PREX1: variants seen among roughly 807,000 people sequenced by gnomAD.
PREX1 encodes phosphatidylinositol 3,4,5-trisphosphate-dependent Rac exchanger 1 protein.
In PREX1, 41 loss-of-function variants were observed where a neutral mutation model predicts 198.3. That is an observed-to-expected ratio of 0.21 (90% confidence interval 0.16 to 0.27). PREX1 has a LOEUF of 0.27. PREX1 is among the 10% of genes least tolerant of loss of function. The pLI is 1.00. For missense variants in PREX1, 1,620 were observed against 2,200.7 expected (o/e 0.74, Z 5.28); for synonymous variants, 843 against 887.2 (o/e 0.95, Z 0.89).
chr20:48,729,595 T>C (rs1435543164), intron 4 of PREX1, among the ~76,000 whole-genome samples: 1 of 152,222 alleles, frequency 6.6e-6, no homozygotes. Flanking sequence ...ATTCTTCCAG[T>C]TGCTTGGGCC....
intron 1 of PREX1, among the ~76,000 whole-genome samples, chr20:48,808,893 G>C (rs2090423240): frequency 6.6e-6 from 1 of 152,180 alleles, no homozygotes; most frequent in African/African-American, 2.4e-5. Context: ...TCCTTTTCCT[G>C]ATGTTACACC....
intron 1 of PREX1, among the ~76,000 whole-genome samples, chr20:48,757,958 T>C (rs1034686748): frequency 2.0e-5 from 3 of 152,224 alleles, no homozygotes; most frequent in Admixed American, 6.5e-5. Context: ...GCACAGAGAA[T>C]GCAGGGAGTG....
chr20:48,632,809 C>T (rs2089326253), intron 33 of PREX1, among the ~76,000 whole-genome samples, 170 bp from the exon 34 acceptor site: 2 of 152,200 alleles, frequency 1.3e-5, no homozygotes, highest in Non-Finnish European at 2.9e-5. Context: ...CCTCCCTGCC[C>T]TCCTGCCCTC....
chr20:48,647,163 G>A (rs187439128), intron 25 of PREX1, among the ~76,000 whole-genome samples: 136 of 152,242 alleles, frequency 8.9e-4, no homozygotes, highest in African/African-American at 3.0e-3. Flanking sequence ...CCAGGAGTTC[G>A]AGGCTGTGGC....
chr20:48,811,541 C>T (rs1568650678), intron 1 of PREX1, among the ~76,000 whole-genome samples: 2 of 149,008 alleles, frequency 1.3e-5, no homozygotes, highest in South Asian at 2.1e-4. Flanking sequence ...CACACACACA[C>T]GTGTGCATGC....
intron 5 of PREX1, among the ~76,000 whole-genome samples, chr20:48,723,672 C>T (rs1053101111): frequency 2.0e-5 from 3 of 152,216 alleles, no homozygotes; most frequent in Non-Finnish European, 4.4e-5. Context: ...GCCACCCCAT[C>T]GCTTTTCCTG....
rs571420112 is a variant in PREX1, at chr20:48,792,066, A to G, written c.219+35576T>C. 9.4e-4 allele frequency among the ~76,000 whole-genome samples: 143 copies of G among 152,250 alleles called. 2 individuals carry two copies. Among genetic ancestry groups the G allele is most frequent in the South Asian group, 7.9e-3 (38 of 4,820 alleles). On this transcript the variant is annotated intron_variant, in intron 1 of 39. Transcript: ENST00000371941. Reference sequence around the variant, plus strand: ...CTGTGCCTCAGTTTCTTCATCTGTAAAACAGCTTCCCCATAGGACTGGTGT... The same window carrying G: ...CTGTGCCTCAGTTTCTTCATCTGTAGAACAGCTTCCCCATAGGACTGGTGT...
chr20:48,671,124 T>C (rs970729563), intron 14 of PREX1, among the ~76,000 whole-genome samples: 1 of 152,178 alleles, frequency 6.6e-6, no homozygotes, highest in Non-Finnish European at 1.5e-5. Flanking sequence ...TCTAAGCCAC[T>C]ATCAGCAATC....
At chr20:48,646,769 T>C (rs73140200) in intron 25 of PREX1, among the ~76,000 whole-genome samples, 23,917 of 152,006 alleles carry the variant, frequency 0.16, 2,216 homozygotes, top group Middle Eastern at 0.3. Flanking sequence ...ATCCCCACTG[T>C]AGGGTGTGAC....
At chr20:48,663,988 G>C (rs1568811586) in intron 15 of PREX1, among the ~76,000 whole-genome samples, 2 of 152,136 alleles carry the variant, frequency 1.3e-5, no homozygotes, top group South Asian at 4.1e-4. Context: ...ACGGTGCCTG[G>C]AACACCAAAG....
intron 1 of PREX1, among the ~76,000 whole-genome samples, chr20:48,760,031 C>T (rs1372637430): frequency 1.3e-5 from 2 of 151,748 alleles, no homozygotes; most frequent in Non-Finnish European, 2.9e-5. Flanking sequence ...AGCATCACTT[C>T]AGCCTAGGAG....
At chr20:48,721,949 G>C (rs1178472846) in intron 5 of PREX1, among the ~76,000 whole-genome samples, 1 of 152,046 alleles carries the variant, frequency 6.6e-6, no homozygotes, top group African/African-American at 2.4e-5. Flanking sequence ...GGGGCTGTCT[G>C]CTGAGCTGGG....
chr20:48,743,890 C>T (rs1313465593), intron 3 of PREX1, among the ~76,000 whole-genome samples: 1 of 152,172 alleles, frequency 6.6e-6, no homozygotes, highest in Non-Finnish European at 1.5e-5. Flanking sequence ...CCTGATCGCA[C>T]ATGAGACTTG....
chr20:48,727,416 C>G (rs1473696866), intron 4 of PREX1, among the ~76,000 whole-genome samples: 2 of 152,124 alleles, frequency 1.3e-5, no homozygotes, highest in African/African-American at 4.8e-5. Context: ...TCTCTCGGCT[C>G]ATTCCATGCC....
chr20:48,676,327 T>C (rs1342010262), intron 13 of PREX1, 59 bp from the exon 14 acceptor site: 15 of 1,499,302 alleles, frequency 1.0e-5, no homozygotes, highest in Admixed American at 6.7e-5. Flanking sequence ...GAGGTGGGGG[T>C]GGTCCTGACT....
rs147935111 is a variant in PREX1, at chr20:48,726,369, C to T, written c.542G>A (p.Arg181Gln). Residue 181 changes from arginine (R) to glutamine (Q), a missense_variant, in exon 5 of 40, where the codon CGG becomes CAG. Arg to Gln is a conservative substitution (Grantham distance 43, BLOSUM62 1). Around this residue, in one of 7 missense-constraint regions of PREX1, gnomAD observed 488 missense variants for 802.5 expected, o/e 0.61. Coordinates refer to ENST00000371941, the MANE Select transcript of PREX1 (RefSeq NM_020820.4). ...TTCCAAAGGGATGTCCGTGGTCTTC[C>T]GGCCTCCCAGAAGCATGCAGCTCTG... is the stretch of plus-strand genomic sequence containing the variant. ...FLLSCMLLGG[R>Q]KTTDIPLEGY... 5 of 1,613,142 alleles carry T rather than the reference C, an allele frequency of 3.1e-6. No individual in the cohort carries two copies. The highest frequency in any genetic ancestry group is 2.2e-5 in the East Asian group (1 of 44,888).
At chr20:48,867,316 C>T in the PREX1 span, among the ~76,000 whole-genome samples, 1 of 152,194 alleles carries the variant, frequency 6.6e-6, no homozygotes, top group East Asian at 1.9e-4. Flanking sequence ...CAAGGCCACC[C>T]AGCAAGTTAG....
rs564963419 is a variant in PREX1 at position 48,679,501 on chromosome 20, G to A, written c.1540-92C>T. The A allele has an allele frequency of 9.6e-6, 14 of 1,456,688 alleles. No individual in the cohort carries two copies. The East Asian group carries it at 1.6e-4, about 17-fold the overall frequency. 90.2% of individuals were successfully genotyped at this position (1,456,688 alleles called of 1,614,324 possible). A position where few individuals can be genotyped will look rare whatever the true frequency, so the allele number is the denominator to read the frequency against. On this transcript the variant is annotated intron_variant, in intron 12 of 39. Coordinates refer to ENST00000371941, the MANE Select transcript of PREX1 (RefSeq NM_020820.4). ...TGATGGGAGAGATGGCTTCCAGGAC[G>A]GGGCAGGGCAGGGTAATGGGGGCAG...
chr20:48,665,595 C>A (rs1180287157), intron 15 of PREX1, among the ~76,000 whole-genome samples: 3 of 152,170 alleles, frequency 2.0e-5, no homozygotes, highest in Non-Finnish European at 4.4e-5. Context: ...AGCTTCTATA[C>A]CCTCATCTAT....
Sources: allele counts gnomAD v4.1 joint callset (sites outside exome capture counted in the v4.1 genomes callset), GRCh38; gene constraint gnomAD v4.1.1; regional missense constraint gnomAD v4.1.1; transcripts MANE v1.5; gene names NCBI Gene and HGNC (gene_info 2026-07-23, HGNC 2026-07-21).